Variants in GPR107 observed in about 807,000 individuals in gnomAD.
The protein encoded by GPR107 is G protein-coupled receptor 107, also known as protein GPR107.
Under a neutral mutation model 75.5 loss-of-function variants are expected in GPR107, and 31 were observed. The observed-to-expected ratio is 0.41, with a 90% CI of 0.31 to 0.55. The LOEUF (loss-of-function observed/expected upper bound fraction) is 0.55, where lower values mean the gene tolerates loss of function less well. Ranked by LOEUF, GPR107 falls within the 20% of genes least tolerant of loss-of-function variation. The probability of loss-of-function intolerance (pLI) is 0.26; values close to 1 mark genes in which losing one functional copy is unlikely to be tolerated. For synonymous variants in GPR107, 267 were observed against 251.3 expected (o/e 1.06, Z -0.59); for missense variants, 572 against 665.7 (o/e 0.86, Z 1.55).
In GPR107 at chr9:130,079,669, A is replaced by G. The variant is rs1327696435; in HGVS notation, c.426A>G (p.Leu142=). The change falls in exon 5 of 18, where the codon TTA becomes TTG. Residue 142 remains leucine, a synonymous_variant. Transcript: ENST00000347136. ...CTCCACCAGAAGCTGGTACCCAGTTACCAAAGATCATCTTCAGCAGGGATG... is the reference window on the plus strand; with the variant it reads ...CTCCACCAGAAGCTGGTACCCAGTTGCCAAAGATCATCTTCAGCAGGGATG... The part of the protein sequence containing the change: ...VKSPPEAGTQ[L]PKIIFSRDEK... 1 of 1,613,212 alleles carries G rather than the reference A, an allele frequency of 6.2e-7. No homozygotes were observed. Among genetic ancestry groups the G allele is most frequent in the Non-Finnish European group, 8.5e-7 (1 of 1,179,198 alleles).
At chr9:130,081,575 A>T (rs1449554260) in intron 5 of GPR107, among the ~76,000 whole-genome samples, 3 of 151,932 alleles carry the variant, frequency 2.0e-5, no homozygotes, top group Non-Finnish European at 4.4e-5. Flanking sequence ...CAGGAGACTG[A>T]GGCAGGAGAA....
At position 130,134,681 on chromosome 9, in the gene GPR107, T is replaced by A. The variant is rs538411638; in HGVS notation, c.1563-344T>A. Among the ~76,000 whole-genome samples the A allele has an allele frequency of 1.4e-4, 22 of 152,398 alleles. 1 individual carries two copies. Among genetic ancestry groups the A allele is most frequent in the Admixed American group, 1.4e-3 (21 of 15,312 alleles). ...GAGTCAGATTTCAGTCTCATAAGCG[T>A]AACTATCACATATCTGTGCGCCACA... On this transcript the variant is annotated intron_variant, in intron 17 of 17. Transcript: ENST00000347136.
At chr9:130,088,832 T>G (rs1218351668) in intron 7 of GPR107, among the ~76,000 whole-genome samples, 1 of 152,178 alleles carries the variant, frequency 6.6e-6, no homozygotes, top group African/African-American at 2.4e-5. Flanking sequence ...TTTTCTCTCT[T>G]CCTTCTCTCA....
chr9:130,133,389 A>ATGC (rs1472893189), intron 17 of GPR107, among the ~76,000 whole-genome samples: 1 of 152,198 alleles, frequency 6.6e-6, no homozygotes, highest in Non-Finnish European at 1.5e-5. Context: ...TTTTAACAAG[A>ATGC]TGCAGTAACC....
At chr9:130,092,481 T>G (rs1830765170) in intron 9 of GPR107, 100 bp downstream of exon 9, 3 of 960,848 alleles carry the variant, frequency 3.1e-6, no homozygotes, top group Non-Finnish European at 5.0e-6. Flanking sequence ...CTTAGCAGTG[T>G]TGTTCCTTTC....
At chr9:130,064,451 C>T (rs1405793998) in intron 1 of GPR107, among the ~76,000 whole-genome samples, 1 of 150,238 alleles carries the variant, frequency 6.7e-6, no homozygotes. Context: ...CCACCCGCCT[C>T]GGCCTCCCAA....
intron 5 of GPR107, among the ~76,000 whole-genome samples, chr9:130,080,133 T>C (rs953514212): frequency 2.0e-5 from 3 of 152,242 alleles, no homozygotes; most frequent in Admixed American, 1.3e-4. Context: ...AAGCAGATAC[T>C]GTAATTTGCT....
Position 130,139,615 on chromosome 9 carries a change from G to A in GPR107, c.*4494G>A, listed in dbSNP as rs1554900582. 6.6e-6 allele frequency: 1 copy of A among 152,444 alleles called. No homozygotes were observed. The highest frequency in any genetic ancestry group is 2.4e-5 in the African/African-American group (1 of 41,478). The allele number at this position is 152,444 out of a possible 1,614,324, so 9.4% of individuals were successfully genotyped here. On this transcript the variant is annotated 3_prime_UTR_variant, in exon 18 of 18. Transcript: ENST00000347136. Reference sequence around the variant, plus strand: ...CTTGGCCTCGCTACCTCGGGGACCTGTTGGAGTTCTGGCAGCAGGGTGTCT... The same window carrying A: ...CTTGGCCTCGCTACCTCGGGGACCTATTGGAGTTCTGGCAGCAGGGTGTCT...
At chr9:130,106,682 C>T (rs1480577298) in intron 13 of GPR107, among the ~76,000 whole-genome samples, 2 of 152,030 alleles carry the variant, frequency 1.3e-5, no homozygotes, top group Non-Finnish European at 2.9e-5. Flanking sequence ...TCAGGGCCAG[C>T]AGTGTACTGG....
intron 5 of GPR107, among the ~76,000 whole-genome samples, chr9:130,082,432 C>T (rs940655416): frequency 6.6e-6 from 1 of 151,744 alleles, no homozygotes; most frequent in East Asian, 1.9e-4. Context: ...TCTCTTCCTT[C>T]CTGCAGGGAG....
chr9:130,112,615 C>T lies in GPR107; in HGVS notation c.1306+5076C>T, dbSNP rs973600808. 2.0e-5 allele frequency among the ~76,000 whole-genome samples: 3 copies of T among 152,186 alleles called. No homozygotes were observed. Among genetic ancestry groups the T allele is most frequent in the African/African-American group, 7.2e-5 (3 of 41,448 alleles). On this transcript the variant is annotated intron_variant, in intron 14 of 17. Coordinates refer to ENST00000347136, the MANE Select transcript of GPR107 (RefSeq NM_020960.5). This position sits in a 1 kb window ranked among gnomAD's most constrained non-coding sequence, Gnocchi z 4.0. ...CCTTGCCTTTTAATATTCTGTGAGA[C>T]AGCATGGGAGGTGTGCACACAGCAC...
chr9:130,060,914 C>T (rs1395924997), intron 1 of GPR107, among the ~76,000 whole-genome samples: 1 of 152,204 alleles, frequency 6.6e-6, no homozygotes, highest in Non-Finnish European at 1.5e-5. Flanking sequence ...AGAAGCCTTC[C>T]TCGCTGATGG....
Position 130,079,243 on chromosome 9 carries a change from G to A in GPR107, c.387-387G>A, listed in dbSNP as rs142345620. 6.1e-3 allele frequency among the ~76,000 whole-genome samples: 926 copies of A among 152,262 alleles called. 15 individuals are homozygous for A. Among genetic ancestry groups the A allele is most frequent in the African/African-American group, 0.021 (867 of 41,552 alleles). On this transcript the variant is annotated intron_variant, in intron 4 of 17. Transcript: ENST00000347136. ...CTCCCAAAGTGCTGAGATTACAGGC[G>A]TGAGCCACCATGCCTGGCCTGGATT...
intron 9 of GPR107, among the ~76,000 whole-genome samples, chr9:130,092,995 A>T (rs530722629): frequency 6.6e-6 from 1 of 152,190 alleles, no homozygotes; most frequent in South Asian, 2.1e-4. Context: ...CCCACAGTCC[A>T]GGACTGAGAG....
At chr9:130,133,654 C>T (rs1212409425) in intron 17 of GPR107, among the ~76,000 whole-genome samples, 2 of 152,164 alleles carry the variant, frequency 1.3e-5, no homozygotes, top group South Asian at 2.1e-4. Context: ...AGCCAGCTGG[C>T]CAGAAGTGAC....
intron 17 of GPR107, chr9:130,129,908 C>T (rs183656422): frequency 2.2e-4 from 33 of 152,382 alleles, no homozygotes; most frequent in African/African-American, 7.9e-4. Flanking sequence ...CATTGTACTC[C>T]ACAGTCGTAA....
intron 12 of GPR107, among the ~76,000 whole-genome samples, chr9:130,101,549 C>T (rs1014566532): frequency 2.0e-5 from 3 of 152,228 alleles, no homozygotes; most frequent in Admixed American, 2.0e-4. Context: ...GTGCCCTTGG[C>T]AAGGAAGCTC....
At chr9:130,134,305 G>A (rs1490237440) in intron 17 of GPR107, among the ~76,000 whole-genome samples, 7 of 152,138 alleles carry the variant, frequency 4.6e-5, no homozygotes, top group African/African-American at 1.7e-4. Flanking sequence ...TAATGGAAAG[G>A]GCTGCCTTGC....
intron 1 of GPR107, among the ~76,000 whole-genome samples, chr9:130,060,314 T>C (rs1237520859): frequency 1.3e-5 from 2 of 151,988 alleles, no homozygotes; most frequent in South Asian, 2.1e-4. Context: ...CTGCCCACTT[T>C]GGCCTCCCGA....
Sources: allele counts gnomAD v4.1 joint callset (sites outside exome capture counted in the v4.1 genomes callset), GRCh38; gene constraint gnomAD v4.1.1; non-coding constraint Gnocchi (gnomAD v3.1); transcripts MANE v1.5; gene names NCBI Gene and HGNC (gene_info 2026-07-23, HGNC 2026-07-21).